KAZN: variants seen among roughly 807,000 people sequenced by gnomAD.
KAZN encodes the protein kazrin, periplakin interacting protein.
Under a neutral mutation model 87.4 loss-of-function variants are expected in KAZN, and 40 were observed. That is an observed-to-expected ratio of 0.46 (90% CI 0.36 to 0.60). KAZN has a LOEUF of 0.60. KAZN is among the 20% of genes least tolerant of loss of function. The probability of loss-of-function intolerance (pLI) is 0.00; values close to 1 mark genes in which losing one functional copy is unlikely to be tolerated. For synonymous variants in KAZN, 466 were observed against 458.3 expected, an observed-to-expected ratio of 1.02 and a Z score of -0.22; for missense variants, 898 against 1,073.9, an observed-to-expected ratio of 0.84 and a Z score of 2.29.
chr1:14,366,401 C>G (rs1210301771), intron 2 of KAZN, among the ~76,000 whole-genome samples: 2 of 152,228 alleles, frequency 1.3e-5, no homozygotes, highest in African/African-American at 2.4e-5. Flanking sequence ...CAGTCTTTCT[C>G]TGTATATAGG....
chr1:14,675,940 C>A (rs1403188757), intron 1 of KAZN, among the ~76,000 whole-genome samples: 2 of 152,090 alleles, frequency 1.3e-5, no homozygotes, highest in African/African-American at 2.4e-5. Context: ...CTGCTCTACA[C>A]CCCGAGTATG....
chr1:14,098,545 G>A (rs955256553), intron 1 of KAZN, among the ~76,000 whole-genome samples: 1 of 152,146 alleles, frequency 6.6e-6, no homozygotes, highest in South Asian at 2.1e-4. Context: ...GGTGTTTGAG[G>A]AATTGCCTCC....
chr1:14,829,389 A>T (rs1056034640), intron 1 of KAZN, among the ~76,000 whole-genome samples: 1 of 152,232 alleles, frequency 6.6e-6, no homozygotes, highest in Non-Finnish European at 1.5e-5. Flanking sequence ...TTCTCGGGAA[A>T]GTGACAGCTA....
chr1:14,017,117 T>C (rs1373350640), intron 1 of KAZN, among the ~76,000 whole-genome samples: 1 of 152,210 alleles, frequency 6.6e-6, no homozygotes, highest in Non-Finnish European at 1.5e-5. Context: ...GTTCTCAGTA[T>C]TAGGTAGCAT....
chr1:15,049,123 C>G (rs1277282361), intron 4 of KAZN, among the ~76,000 whole-genome samples: 1 of 152,202 alleles, frequency 6.6e-6, no homozygotes, highest in Admixed American at 6.5e-5. Flanking sequence ...GACGGGAGTC[C>G]AGCCATGGCC....
intron 1 of KAZN, among the ~76,000 whole-genome samples, chr1:14,846,107 T>C (rs1264144055): frequency 6.6e-6 from 1 of 152,198 alleles, no homozygotes; most frequent in African/African-American, 2.4e-5. Context: ...TTACACTCCC[T>C]ATACTTGGAA....
At chr1:14,764,243 C>A (rs552750945) in intron 1 of KAZN, among the ~76,000 whole-genome samples, 1 of 152,018 alleles carries the variant, frequency 6.6e-6, no homozygotes, top group Non-Finnish European at 1.5e-5. Flanking sequence ...CTTTCTGCTT[C>A]GGGCAACCTC....
At position 15,108,865 on chromosome 1, in the gene KAZN, ATACT is replaced by A. The variant is rs149278351; in HGVS notation, c.2049-3559_2049-3556del. Among the ~76,000 whole-genome samples the A allele has an allele frequency of 2.6e-3, 389 of 152,302 alleles. 1 individual carries two copies. The highest frequency in any genetic ancestry group is 8.8e-3 in the African/African-American group (365 of 41,554). ...TTCCTCGAGGTCTAAGTGACTAGAA[ATACT>A]TAATAGGTCGGTTCAAAGCTTCCAA... On this transcript the variant is annotated intron_variant, in intron 13 of 14. Transcript: ENST00000376030.
Position 15,069,250 on chromosome 1 carries a change from T to C in KAZN, c.1222+3497T>C, listed in dbSNP as rs80151552. 6.2e-4 allele frequency among the ~76,000 whole-genome samples: 95 copies of C among 152,176 alleles called. 1 individual carries two copies. Among genetic ancestry groups the C allele is most frequent in the African/African-American group, 2.0e-3 (84 of 41,538 alleles). On this transcript the variant is annotated intron_variant, in intron 8 of 14. Transcript: ENST00000376030. ...GCCCATCCCGAAGTGGCCTCTGATT[T>C]CTCACTTTACATAGCCTCAGATAGC...
At chr1:14,600,922 A>G (rs1676917055) in intron 1 of KAZN, among the ~76,000 whole-genome samples, 1 of 152,244 alleles carries the variant, frequency 6.6e-6, no homozygotes, top group African/African-American at 2.4e-5. Context: ...CAGTCAACGC[A>G]GTAATGATGT....
At chr1:14,992,103 G>A (rs958437997) in intron 2 of KAZN, among the ~76,000 whole-genome samples, 3 of 152,268 alleles carry the variant, frequency 2.0e-5, no homozygotes, top group East Asian at 1.9e-4. Flanking sequence ...CCCTGCACAT[G>A]GGCAGGCACC....
intron 1 of KAZN, among the ~76,000 whole-genome samples, chr1:14,940,740 C>T (rs1259456991): frequency 6.6e-6 from 1 of 152,042 alleles, no homozygotes; most frequent in Non-Finnish European, 1.5e-5. Context: ...GAGGACATAG[C>T]AGGAACTCAA....
At chr1:14,746,972 C>A (rs1045037561) in intron 1 of KAZN, among the ~76,000 whole-genome samples, 3 of 152,156 alleles carry the variant, frequency 2.0e-5, no homozygotes, top group African/African-American at 4.8e-5. Flanking sequence ...AAAACTGTAT[C>A]CATTAAACAG....
At chr1:14,071,429 G>C (rs1643242506) in intron 1 of KAZN, among the ~76,000 whole-genome samples, 1 of 152,204 alleles carries the variant, frequency 6.6e-6, no homozygotes, top group African/African-American at 2.4e-5. Context: ...TAGGTTCTAA[G>C]AGTACAAAGG....
chr1:14,847,263 G>A (rs1045460508), intron 1 of KAZN, among the ~76,000 whole-genome samples: 8 of 152,160 alleles, frequency 5.3e-5, no homozygotes, highest in East Asian at 1.9e-4. Context: ...AAGGGCTTCC[G>A]AAGTTGTCGT....
chr1:14,041,464 T>C (rs1079988), intron 1 of KAZN, among the ~76,000 whole-genome samples: 93,723 of 152,026 alleles, frequency 0.62, 30,263 homozygotes, highest in African/African-American at 0.8. Flanking sequence ...TATTCTCCAA[T>C]AGCTGTATAG....
chr1:14,886,838 A>G (rs528014647), intron 1 of KAZN, among the ~76,000 whole-genome samples: 1 of 152,328 alleles, frequency 6.6e-6, no homozygotes, highest in East Asian at 1.9e-4. Context: ...GTATACCTGT[A>G]TATGTACACT....
chr1:14,454,194 A>G (rs1448783851), intron 2 of KAZN, among the ~76,000 whole-genome samples: 2 of 152,188 alleles, frequency 1.3e-5, no homozygotes, highest in Non-Finnish European at 2.9e-5. Flanking sequence ...AGGCATGGAA[A>G]GAGAGGGGTT....
chr1:14,423,234 A>G (rs1037941751), intron 2 of KAZN, among the ~76,000 whole-genome samples: 10 of 152,198 alleles, frequency 6.6e-5, no homozygotes, highest in African/African-American at 2.4e-4. Flanking sequence ...TCCTAGCTTG[A>G]CCACAAACCC....
Sources: gnomAD v4.1 joint callset for allele counts (sites outside exome capture counted in the v4.1 genomes callset) on GRCh38, gnomAD v4.1.1 for gene constraint, MANE v1.5 for transcripts, NCBI Gene and HGNC (gene_info 2026-07-23, HGNC 2026-07-21) for gene names.